TENT5D: variants seen among roughly 807,000 people sequenced by gnomAD.
TENT5D encodes terminal nucleotidyltransferase 5D, also known as cancer/testis antigen 112.
For missense variants in TENT5D, 191 were observed against 287.0 expected, an observed-to-expected ratio of 0.67 and a Z score of 2.42; for synonymous variants, 103 against 100.6, an observed-to-expected ratio of 1.02 and a Z score of -0.15.
intron 3 of TENT5D, among the ~76,000 whole-genome samples, chrX:80,353,616 T>C (rs1930228757): frequency 8.9e-6 from 1 of 112,537 alleles, no homozygotes; most frequent in Non-Finnish European, 1.9e-5. Context: ...GATCTCATTC[T>C]TTTTATGGCT....
chrX:80,402,273 A>T (rs1268276554), intron 3 of TENT5D, among the ~76,000 whole-genome samples: 1 of 111,127 alleles, frequency 9.0e-6, no homozygotes, highest in East Asian at 2.8e-4. Flanking sequence ...GATTTTATTT[A>T]TTTGAGTTCC....
At chrX:80,445,095 A>G (rs893632409) in exon 3 of TENT5D, 2 of 122,569 alleles carry the variant, frequency 1.6e-5, no homozygotes, top group Admixed American at 1.9e-4. Flanking sequence ...GACTGTGCTT[A>G]TCTTCACTGT....
At chrX:80,339,856 A>AATAT (rs750677776) in intron 2 of TENT5D, among the ~76,000 whole-genome samples, 2,085 of 102,072 alleles carry the variant, frequency 0.02, 23 homozygotes, top group South Asian at 0.037. Flanking sequence ...AGTTATCGGA[A>AATAT]ATATATATAT....
chrX:80,432,128 C>T (rs774985064), intron 1 of TENT5D, among the ~76,000 whole-genome samples: 29 of 110,625 alleles, frequency 2.6e-4, no homozygotes, highest in African/African-American at 7.6e-4. Flanking sequence ...ACACCCACAA[C>T]ATTGCATACA....
chrX:80,356,491 C>T (rs905849263), intron 3 of TENT5D, among the ~76,000 whole-genome samples: 1 of 111,342 alleles, frequency 9.0e-6, no homozygotes, highest in African/African-American at 3.3e-5. Flanking sequence ...TGAATCTGAT[C>T]TCTTTATGAA....
chrX:80,409,661 G>A (rs1257480558), intron 3 of TENT5D, among the ~76,000 whole-genome samples: 1 of 111,055 alleles, frequency 9.0e-6, no homozygotes, highest in East Asian at 2.8e-4. Flanking sequence ...CATTAAAATG[G>A]CCATACTGCC....
intron 3 of TENT5D, among the ~76,000 whole-genome samples, chrX:80,357,842 A>G (rs756962493): frequency 8.9e-6 from 1 of 111,850 alleles, no homozygotes; most frequent in East Asian, 2.8e-4. Context: ...ACTAAAAAAG[A>G]GCCTGCATTG....
chrX:80,365,980 G>A (rs1330277817), intron 3 of TENT5D, among the ~76,000 whole-genome samples: 3 of 111,612 alleles, frequency 2.7e-5, no homozygotes, highest in Admixed American at 1.9e-4. Flanking sequence ...AATTGTAATA[G>A]TAATAGTAGT....
chrX:80,356,912 T>A (rs1267967978), intron 3 of TENT5D, among the ~76,000 whole-genome samples: 1 of 110,612 alleles, frequency 9.0e-6, no homozygotes, highest in Admixed American at 9.7e-5. Context: ...CCCTCCCCGC[T>A]CCTCCCACCC....
chrX:80,358,624 A>G (rs1322755869), intron 3 of TENT5D, among the ~76,000 whole-genome samples: 1 of 112,147 alleles, frequency 8.9e-6, no homozygotes, highest in African/African-American at 3.2e-5. Flanking sequence ...CTTATATAAT[A>G]TCATCGTACA....
exon 3 of TENT5D, chrX:80,445,030 C>A (rs760534949): frequency 8.2e-6 from 1 of 122,181 alleles, no homozygotes; most frequent in Non-Finnish European, 1.9e-5. Flanking sequence ...TTGACCATCA[C>A]GTTTTCTATC....
chrX:80,348,372 A>G (rs1403138483), intron 3 of TENT5D, among the ~76,000 whole-genome samples: 2 of 111,222 alleles, frequency 1.8e-5, no homozygotes, highest in Non-Finnish European at 3.8e-5. Flanking sequence ...CTCCTTGAAG[A>G]GGTCTTTCAC....
At chrX:80,423,398 C>T (rs1172032346) in intron 1 of TENT5D, among the ~76,000 whole-genome samples, 2 of 111,396 alleles carry the variant, frequency 1.8e-5, no homozygotes, top group East Asian at 2.8e-4. Context: ...AAAAGAAGAA[C>T]GCTTTCTGCA....
exon 3 of TENT5D, chrX:80,445,030 C>T (rs760534949): frequency 8.2e-6 from 1 of 122,233 alleles, no homozygotes; most frequent in Non-Finnish European, 1.9e-5. Context: ...TTGACCATCA[C>T]GTTTTCTATC....
chrX:80,410,872 A>C (rs1371678294), intron 3 of TENT5D, among the ~76,000 whole-genome samples: 1 of 106,728 alleles, frequency 9.4e-6, no homozygotes, highest in African/African-American at 3.4e-5. Flanking sequence ...AGACTGGATT[A>C]AGAAAATGTG....
intron 1 of TENT5D, among the ~76,000 whole-genome samples, chrX:80,431,383 C>T (rs778948256): frequency 9.0e-6 from 1 of 111,598 alleles, no homozygotes; most frequent in South Asian, 3.8e-4. Flanking sequence ...CACTAGATGG[C>T]GCTGTAAGGT....
intron 3 of TENT5D, among the ~76,000 whole-genome samples, chrX:80,362,501 G>A (rs1035628837): frequency 1.8e-5 from 2 of 111,987 alleles, no homozygotes; most frequent in African/African-American, 6.5e-5. Flanking sequence ...TTTCATCTCA[G>A]CCCAATTTTT....
At chrX:80,369,645 T>C (rs1453463403) in intron 3 of TENT5D, among the ~76,000 whole-genome samples, 1 of 112,295 alleles carries the variant, frequency 8.9e-6, no homozygotes, top group East Asian at 2.8e-4. Context: ...ACTTGTTCAC[T>C]TCTATATTTT....
At chrX:80,435,710 G>A (rs1198694014) in intron 1 of TENT5D, among the ~76,000 whole-genome samples, 2 of 112,145 alleles carry the variant, frequency 1.8e-5, no homozygotes, top group Non-Finnish European at 3.8e-5. Flanking sequence ...TGTCTACAGA[G>A]CTTAATGTTA....
Sources: allele counts gnomAD v4.1 joint callset (sites outside exome capture counted in the v4.1 genomes callset), GRCh38; gene constraint gnomAD v4.1.1; transcripts MANE v1.5; gene names NCBI Gene and HGNC (gene_info 2026-07-23, HGNC 2026-07-21).